The following DENND2B variants were observed in gnomAD, a reference collection of about 807,000 sequenced individuals.
The protein encoded by DENND2B is DENN domain containing 2B.
In DENND2B, 32 loss-of-function variants were observed where a neutral mutation model predicts 116.0. That is an observed-to-expected ratio of 0.28 (90% CI 0.21 to 0.37). The LOEUF (loss-of-function observed/expected upper bound fraction) is 0.37. Among genes scored for constraint, DENND2B ranks in the 10% least tolerant of loss-of-function variants. DENND2B has a pLI of 1.00. For missense variants in DENND2B, 1,276 were observed against 1,477.7 expected, an observed-to-expected ratio of 0.86 and a Z score of 2.24; for synonymous variants, 588 against 583.9, an observed-to-expected ratio of 1.01 and a Z score of -0.10.
intron 4 of DENND2B, among the ~76,000 whole-genome samples, chr11:8,824,678 T>C (rs2061903603): frequency 6.6e-6 from 1 of 151,996 alleles, no homozygotes; most frequent in African/African-American, 2.4e-5. Flanking sequence ...TGTATCTTTA[T>C]AATCAAACAA....
intron 4 of DENND2B, among the ~76,000 whole-genome samples, chr11:8,824,140 G>T (rs1416787288): frequency 6.6e-6 from 1 of 151,758 alleles, no homozygotes; most frequent in African/African-American, 2.4e-5. Flanking sequence ...CTGACCTTGT[G>T]ATCTGCCCAA....
intron 1 of DENND2B, among the ~76,000 whole-genome samples, chr11:8,799,412 C>T (rs1227643871): frequency 6.6e-6 from 1 of 152,124 alleles, no homozygotes; most frequent in Admixed American, 6.6e-5. Flanking sequence ...TATTTTCTTT[C>T]CTTTCTAGAT....
chr11:8,846,126 G>C (rs995504901), intron 3 of DENND2B, among the ~76,000 whole-genome samples: 8 of 152,188 alleles, frequency 5.3e-5, no homozygotes, highest in Non-Finnish European at 1.0e-4. Context: ...GGACGTGCCA[G>C]AGGACATAAG....
chr11:8,856,623 T>C (rs1238052619), intron 3 of DENND2B, among the ~76,000 whole-genome samples: 1 of 152,194 alleles, frequency 6.6e-6, no homozygotes, highest in Non-Finnish European at 1.5e-5. Context: ...AGTCCCTGGA[T>C]GCCTGACTCC....
At chr11:8,813,255 A>G (rs914084421), upstream of DENND2B, among the ~76,000 whole-genome samples, 1 of 152,234 alleles carries the variant, frequency 6.6e-6, no homozygotes, top group African/African-American at 2.4e-5. Flanking sequence ...AGGAAATGAC[A>G]GAATGGCACA....
intron 1 of DENND2B, chr11:8,776,078 C>G (rs1480984660): frequency 5.1e-6 from 2 of 389,064 alleles, no homozygotes; most frequent in East Asian, 1.5e-4. Flanking sequence ...CTGGCCCTAC[C>G]ACCCTCCCCA....
intron 2 of DENND2B, among the ~76,000 whole-genome samples, chr11:8,738,132 T>C (rs1368064638): frequency 1.3e-5 from 2 of 152,158 alleles, no homozygotes; most frequent in African/African-American, 4.8e-5. Flanking sequence ...AATAACACGC[T>C]TGAGTAGGCA....
intron 1 of DENND2B, chr11:8,766,555 A>G (rs1014048054): frequency 3.3e-6 from 4 of 1,197,146 alleles, no homozygotes; most frequent in Non-Finnish European, 4.4e-6. Context: ...AGCAATGGGA[A>G]CCAAGGAGAG....
intron 1 of DENND2B, among the ~76,000 whole-genome samples, chr11:8,770,242 G>C (rs1022137890): frequency 6.6e-6 from 1 of 152,110 alleles, no homozygotes; most frequent in Non-Finnish European, 1.5e-5. Flanking sequence ...TCTCATTTGA[G>C]TCTACCAATA....
intron 2 of DENND2B, among the ~76,000 whole-genome samples, chr11:8,741,809 G>T (rs1392944559): frequency 6.6e-6 from 1 of 152,190 alleles, no homozygotes; most frequent in Non-Finnish European, 1.5e-5. Context: ...GCAACAGCTA[G>T]AATCCCCCAG....
intron 4 of DENND2B, among the ~76,000 whole-genome samples, chr11:8,816,259 G>A (rs1003358218): frequency 6.6e-6 from 1 of 152,326 alleles, no homozygotes; most frequent in East Asian, 1.9e-4. Context: ...ATTAATGGGT[G>A]ATCAGGTCAA....
intron 4 of DENND2B, among the ~76,000 whole-genome samples, chr11:8,825,450 C>T (rs2061941529): frequency 1.3e-5 from 2 of 151,828 alleles, no homozygotes; most frequent in African/African-American, 2.4e-5. Context: ...ACTCAGTGTG[C>T]TGTTGAATTC....
intron 5 of DENND2B, among the ~76,000 whole-genome samples, chr11:8,717,133 C>A (rs1461148425): frequency 6.6e-6 from 1 of 152,214 alleles, no homozygotes; most frequent in Admixed American, 6.5e-5. Context: ...TGGACAAGGA[C>A]AGAAGGAGCT....
rs189833525 is a variant in DENND2B at position 8,796,367 on chromosome 11, C to T, written c.-26+14150G>A. Among the ~76,000 whole-genome samples, 41 of 152,232 alleles carry T rather than the reference C, an allele frequency of 2.7e-4. 1 individual carries two copies. In the East Asian group the frequency reaches 7.5e-3, roughly 28 times the overall value. On this transcript the variant is annotated intron_variant, in intron 1 of 19. Coordinates refer to ENST00000313726, the MANE Select transcript of DENND2B (RefSeq NM_213618.2). ...GACCAGCCTGGCCAACATGGTGAAA[C>T]CCTCTCTACAAAAATACAAAAATTA...
chr11:8,760,988 A>C (rs767040903), intron 1 of DENND2B, among the ~76,000 whole-genome samples: 1 of 151,738 alleles, frequency 6.6e-6, no homozygotes, highest in Non-Finnish European at 1.5e-5. Context: ...TTCACTGTCC[A>C]CTTATCATTC....
chr11:8,882,538 G>C (rs1018010493), intron 1 of DENND2B, among the ~76,000 whole-genome samples: 1 of 152,158 alleles, frequency 6.6e-6, no homozygotes, highest in Non-Finnish European at 1.5e-5. Context: ...TCAATAAATA[G>C]CTGTTGAATT....
intron 4 of DENND2B, among the ~76,000 whole-genome samples, chr11:8,823,646 T>A (rs1392685523): frequency 6.6e-6 from 1 of 152,178 alleles, no homozygotes; most frequent in African/African-American, 2.4e-5. Context: ...TCATTCTCTC[T>A]CCTGCCACCC....
Position 8,696,455 on chromosome 11 carries a change from G to A in DENND2B, c.3264C>T (p.Asp1088=), listed in dbSNP as rs777639826. ...TTGCCCGACACTTTCTTAGCTCCCTGTCTTGGATGAAGCCAGCAAACATCT... is the reference window on the plus strand; with the variant it reads ...TTGCCCGACACTTTCTTAGCTCCCTATCTTGGATGAAGCCAGCAAACATCT... ...ESQMFAGFIQ[D]RELRKCRAKG... Residue 1088 remains aspartate, a synonymous_variant, in exon 18 of 20, where the codon GAC becomes GAT. Coordinates refer to ENST00000313726, the MANE Select transcript of DENND2B (RefSeq NM_213618.2). 6.2e-7 allele frequency: 1 copy of A among 1,614,184 alleles called. No individual in the cohort carries two copies. Among genetic ancestry groups the A allele is most frequent in the Non-Finnish European group, 8.5e-7 (1 of 1,180,040 alleles).
chr11:8,904,520 C>G (rs763988913), intron 1 of DENND2B, among the ~76,000 whole-genome samples: 11 of 152,126 alleles, frequency 7.2e-5, no homozygotes, highest in Non-Finnish European at 1.3e-4. Flanking sequence ...GGGAACAAGG[C>G]AAAGATGTTC....
Sources: allele counts gnomAD v4.1 joint callset (sites outside exome capture counted in the v4.1 genomes callset), GRCh38; gene constraint gnomAD v4.1.1; transcripts MANE v1.5; gene names NCBI Gene and HGNC (gene_info 2026-07-23, HGNC 2026-07-21).